THSD7B: variants seen among roughly 807,000 people sequenced by gnomAD.
THSD7B encodes thrombospondin type-1 domain-containing protein 7B.
A neutral mutation model predicts 213.6 loss-of-function variants in THSD7B; 138 were observed. The observed-to-expected ratio is 0.65, with a 90% CI of 0.56 to 0.74. The LOEUF (loss-of-function observed/expected upper bound fraction) is 0.74. Among genes scored for constraint, THSD7B ranks in the 30% least tolerant of loss-of-function variants. The pLI is 0.00. For missense variants in THSD7B, 1,931 were observed against 1,991.5 expected, an observed-to-expected ratio of 0.97 and a Z score of 0.58; for synonymous variants, 742 against 687.0, an observed-to-expected ratio of 1.08 and a Z score of -1.25.
intron 6 of THSD7B, among the ~76,000 whole-genome samples, chr2:137,169,221 C>G (rs924365669): frequency 6.6e-6 from 1 of 151,184 alleles, no homozygotes. Context: ...AAATTCTTGC[C>G]CAGCCCTGTA....
intron 1 of THSD7B, among the ~76,000 whole-genome samples, chr2:136,861,202 G>A (rs1198982156): frequency 3.9e-5 from 6 of 152,198 alleles, no homozygotes; most frequent in Non-Finnish European, 8.8e-5. Flanking sequence ...ACATGTGGAA[G>A]GTAGGACCTG....
At chr2:137,253,343 T>A (rs900731068) in intron 10 of THSD7B, among the ~76,000 whole-genome samples, 1 of 152,230 alleles carries the variant, frequency 6.6e-6, no homozygotes, top group African/African-American at 2.4e-5. Context: ...TCTTTACACC[T>A]GAAATGCAAT....
At chr2:137,610,987 G>GTAT (rs1357031912) in intron 17 of THSD7B, among the ~76,000 whole-genome samples, 1 of 143,888 alleles carries the variant, frequency 6.9e-6, no homozygotes, top group Non-Finnish European at 1.5e-5. Flanking sequence ...AAAACTTAAA[G>GTAT]TATAATAATA....
intron 2 of THSD7B, among the ~76,000 whole-genome samples, chr2:136,997,331 A>T (rs1003474563): frequency 6.6e-6 from 1 of 152,190 alleles, no homozygotes; most frequent in East Asian, 1.9e-4. Flanking sequence ...CTAAAATTAG[A>T]GTGTAAATAT....
At chr2:137,521,334 G>A (rs973244464) in intron 15 of THSD7B, among the ~76,000 whole-genome samples, 2 of 152,078 alleles carry the variant, frequency 1.3e-5, no homozygotes, top group African/African-American at 4.8e-5. Context: ...TGGGGAGGGG[G>A]GGCTGTGACT....
At chr2:137,334,386 T>G (rs1432245463) in intron 12 of THSD7B, among the ~76,000 whole-genome samples, 1 of 152,160 alleles carries the variant, frequency 6.6e-6, no homozygotes, top group East Asian at 1.9e-4. Flanking sequence ...AGAAAGGAAG[T>G]GATGGGAGAA....
At chr2:137,052,457 A>ACT (rs1239704147) in intron 2 of THSD7B, among the ~76,000 whole-genome samples, 2 of 151,978 alleles carry the variant, frequency 1.3e-5, no homozygotes, top group African/African-American at 4.8e-5. Flanking sequence ...TGTTTTTTTC[A>ACT]CTAGGCATAT....
chr2:137,100,376 T>G (rs1688126518), intron 4 of THSD7B, among the ~76,000 whole-genome samples: 1 of 152,080 alleles, frequency 6.6e-6, no homozygotes, highest in Non-Finnish European at 1.5e-5. Flanking sequence ...GAATCTTGTT[T>G]GATGTACTCT....
chr2:137,325,967 A>G (rs941098272), intron 12 of THSD7B, among the ~76,000 whole-genome samples: 5 of 152,214 alleles, frequency 3.3e-5, no homozygotes, highest in Admixed American at 6.5e-5. Flanking sequence ...CTTCTCTTAA[A>G]TGTGAGGGAG....
intron 15 of THSD7B, among the ~76,000 whole-genome samples, chr2:137,561,528 A>G (rs1378096002): frequency 6.6e-6 from 1 of 152,146 alleles, no homozygotes; most frequent in Non-Finnish European, 1.5e-5. Flanking sequence ...AAATCCAAAA[A>G]GCTTTGTTTA....
chr2:137,110,097 T>G (rs1010082047), intron 4 of THSD7B, among the ~76,000 whole-genome samples: 1 of 152,184 alleles, frequency 6.6e-6, no homozygotes, highest in African/African-American at 2.4e-5. Flanking sequence ...TCCCTCGTCA[T>G]GGCACTGAAA....
At chr2:137,366,626 T>TA (rs36050219) in intron 12 of THSD7B, among the ~76,000 whole-genome samples, 4,526 of 146,400 alleles carry the variant, frequency 0.031, 227 homozygotes, top group African/African-American at 0.1. Flanking sequence ...CATACAATCG[T>TA]AAAAAAAAAA....
intron 10 of THSD7B, among the ~76,000 whole-genome samples, chr2:137,271,704 C>T (rs1398820801): frequency 1.3e-5 from 2 of 151,740 alleles, no homozygotes; most frequent in African/African-American, 4.8e-5. Flanking sequence ...TGCCCCTTTT[C>T]TTCTTGCTTA....
intron 5 of THSD7B, among the ~76,000 whole-genome samples, chr2:137,157,616 C>G (rs755957801): frequency 6.6e-6 from 1 of 152,066 alleles, no homozygotes; most frequent in Non-Finnish European, 1.5e-5. Context: ...TGACAAATAC[C>G]GAGGTCATAT....
intron 7 of THSD7B, among the ~76,000 whole-genome samples, chr2:137,185,748 A>G (rs1252437130): frequency 1.3e-5 from 2 of 152,138 alleles, no homozygotes; most frequent in Non-Finnish European, 2.9e-5. Context: ...TCCTTTGGCT[A>G]TATACTCAGT....
intron 12 of THSD7B, among the ~76,000 whole-genome samples, chr2:137,328,966 A>G (rs890026827): frequency 2.0e-5 from 3 of 152,178 alleles, no homozygotes; most frequent in African/African-American, 7.2e-5. Context: ...AGGCTCAGGC[A>G]GTTGTTTATA....
chr2:136,886,727 T>C (rs566061118), intron 2 of THSD7B, among the ~76,000 whole-genome samples: 11 of 152,312 alleles, frequency 7.2e-5, no homozygotes, highest in East Asian at 3.9e-4. Context: ...GGATGGGTGA[T>C]ACTGACTTTG....
chr2:137,087,337 T>C (rs1687859622), intron 3 of THSD7B, among the ~76,000 whole-genome samples: 1 of 152,118 alleles, frequency 6.6e-6, no homozygotes, highest in South Asian at 2.1e-4. Context: ...ACAAAAGAAC[T>C]CAAGGCATAC....
chr2:137,529,525 G>T (rs991342758), intron 15 of THSD7B, among the ~76,000 whole-genome samples: 1 of 151,676 alleles, frequency 6.6e-6, no homozygotes, highest in Non-Finnish European at 1.5e-5. Flanking sequence ...AAACATTAGA[G>T]TTAGGCAAAT....
Sources: allele counts gnomAD v4.1 joint callset (sites outside exome capture counted in the v4.1 genomes callset), GRCh38; gene constraint gnomAD v4.1.1; transcripts MANE v1.5; gene names NCBI Gene and HGNC (gene_info 2026-07-23, HGNC 2026-07-21).